VCAN: variants seen among roughly 807,000 people sequenced by gnomAD.
VCAN encodes the protein versican.
In VCAN, 44 loss-of-function variants were observed where a neutral mutation model predicts 245.5. The ratio of observed to expected loss-of-function variants is 0.18; its 90% CI spans 0.14 to 0.23. The LOEUF is 0.23. VCAN is among the 10% of genes least tolerant of loss of function. The probability of loss-of-function intolerance (pLI) is 1.00; values close to 1 mark genes in which losing one functional copy is unlikely to be tolerated. For synonymous variants in VCAN, 1,413 were observed against 1,437.0 expected, an observed-to-expected ratio of 0.98 and a Z score of 0.38; for missense variants, 3,793 against 4,057.9, an observed-to-expected ratio of 0.93 and a Z score of 1.77.
intron 5 of VCAN, among the ~76,000 whole-genome samples, chr5:83,500,014 C>T (rs944251906): frequency 3.9e-5 from 6 of 152,128 alleles, no homozygotes; most frequent in African/African-American, 9.7e-5. Context: ...AATCAGATAT[C>T]GCATCTGGAG....
chr5:83,476,568 G>A (rs1480183123), intron 1 of VCAN, among the ~76,000 whole-genome samples: 1 of 152,164 alleles, frequency 6.6e-6, no homozygotes, highest in African/African-American at 2.4e-5. Flanking sequence ...AATCAGAAAA[G>A]GGGGATTAGA....
intron 7 of VCAN, 138 bp from the exon 8 acceptor site, chr5:83,536,869 G>A (rs1302743464): frequency 1.4e-5 from 9 of 664,270 alleles, no homozygotes; most frequent in Non-Finnish European, 2.2e-5. Flanking sequence ...AACCATATAA[G>A]AGGGTGATTG....
rs1744797195 is a variant in VCAN at position 83,486,497 on chromosome 5, A to G, written c.70+2909A>G. The stretch of plus-strand genomic sequence containing the variant: ...TTTTTGGGAGGTGAAGGTGAAGGTC[A>G]CAGAGAGGAAAGGACAACAGCAACC... On this transcript the variant is annotated intron_variant, in intron 2 of 14. Transcript: ENST00000265077. Among the ~76,000 whole-genome samples, 3 of 152,206 alleles carry G rather than the reference A, an allele frequency of 2.0e-5. No individual in the cohort carries two copies. In the East Asian group the frequency reaches 5.8e-4, roughly 29 times the overall value.
intron 13 of VCAN, among the ~76,000 whole-genome samples, chr5:83,577,408 T>C (rs1748524787): frequency 6.6e-6 from 1 of 152,192 alleles, no homozygotes; most frequent in Non-Finnish European, 1.5e-5. Context: ...GATTATAACC[T>C]CTGTATTGTA....
At chr5:83,524,949 A>G (rs868817499) in intron 7 of VCAN, among the ~76,000 whole-genome samples, 2 of 152,122 alleles carry the variant, frequency 1.3e-5, no homozygotes, top group East Asian at 3.9e-4. Context: ...ACCTTTATAT[A>G]TACTGTATAT....
In VCAN at chr5:83,490,045, A is replaced by G. The variant is rs1209970355; in HGVS notation, c.71-53A>G. ...GCTTATCCATTCACATATTGAATAG[A>G]TTAAGTTTGGGTTTTTTAAGATTGT... On this transcript the variant is annotated intron_variant, in intron 2 of 14. Coordinates refer to ENST00000265077, the MANE Select transcript of VCAN (RefSeq NM_004385.5). The G allele has an allele frequency of 1.9e-6, 3 of 1,605,442 alleles. No homozygotes were observed. In the African/African-American group the frequency reaches 4.0e-5, roughly 21 times the overall value.
intron 12 of VCAN, among the ~76,000 whole-genome samples, chr5:83,557,096 T>G (rs1747699365): frequency 6.6e-6 from 1 of 152,126 alleles, no homozygotes; most frequent in Non-Finnish European, 1.5e-5. Flanking sequence ...AGCCCATGAC[T>G]TATCCCAAAG....
intron 5 of VCAN, among the ~76,000 whole-genome samples, chr5:83,507,426 G>A (rs1745515535): frequency 6.6e-6 from 1 of 152,208 alleles, no homozygotes; most frequent in Admixed American, 6.5e-5. Context: ...AGGTTGTACT[G>A]TGATTAAAAA....
At chr5:83,558,432 T>G (rs1413438059) in intron 12 of VCAN, among the ~76,000 whole-genome samples, 2 of 152,092 alleles carry the variant, frequency 1.3e-5, no homozygotes, top group Admixed American at 1.3e-4. Flanking sequence ...TATCTCCATT[T>G]TTTTCTTTGA....
At chr5:83,563,572 C>T (rs1279239724) in intron 12 of VCAN, among the ~76,000 whole-genome samples, 4 of 152,154 alleles carry the variant, frequency 2.6e-5, no homozygotes, top group African/African-American at 7.2e-5. Flanking sequence ...GGTTTCTTAT[C>T]GGCATATGTT....
intron 11 of VCAN, among the ~76,000 whole-genome samples, chr5:83,554,212 A>G (rs867533071): frequency 6.6e-6 from 1 of 152,250 alleles, no homozygotes. Context: ...CATGCTGTCC[A>G]GGCTTGACTT....
In VCAN at chr5:83,538,282, A is replaced by G; in HGVS notation, c.5279A>G (p.Asn1760Ser). The G allele has an allele frequency of 1.2e-6, 2 of 1,614,076 alleles. No individual in the cohort carries two copies. The highest frequency in any genetic ancestry group is 1.7e-5 in the Admixed American group (1 of 60,006). ...LILPFELESP[N>S]VATSSDSGTR... ...TTACCCTTTGAATTAGAAAGTCCAA[A>G]TGTAGCTACATCTAGTGATTCAGGT... The change falls in exon 8 of 15, where the codon AAT becomes AGT. Residue 1760 changes from asparagine to serine, a missense_variant. By Grantham distance (46) the Asn-to-Ser change is conservative. Transcript: ENST00000265077.
chr5:83,531,755 A>G (rs1289812205), intron 7 of VCAN, among the ~76,000 whole-genome samples: 1 of 152,172 alleles, frequency 6.6e-6, no homozygotes, highest in Admixed American at 6.5e-5. Flanking sequence ...TGACTGGAAG[A>G]CTTGTGCTCT....
chr5:83,563,803 A>T (rs1311488479), intron 12 of VCAN, among the ~76,000 whole-genome samples: 1 of 152,172 alleles, frequency 6.6e-6, no homozygotes, highest in East Asian at 1.9e-4. Context: ...GCTAATCTAG[A>T]TAAATTTTTA....
At position 83,539,974 on chromosome 5, in the gene VCAN, G is replaced by A; in HGVS notation, c.6971G>A (p.Ser2324Asn). The A allele has an allele frequency of 2.5e-6, 4 of 1,614,096 alleles. No homozygotes were observed. The highest frequency in any genetic ancestry group is 3.4e-6 in the Non-Finnish European group (4 of 1,179,996). The change falls in exon 8 of 15, where the codon AGT becomes AAT. Residue 2324 changes from serine (S) to asparagine (N), a missense_variant. Transcript: ENST00000265077. ...TCTCAAACAGACATCTTTGAAGGTA[G>A]TGGGTCAGTAACCAGCACAACATTA... ...LVSQTDIFEG[S>N]GSVTSTTLIE...
At position 83,542,227 on chromosome 5, in the gene VCAN, T is replaced by C. The variant is rs770967338; in HGVS notation, c.9224T>C (p.Ile3075Thr). ...AATGAAACAGATTTCCTGATTGGCATTAATGAAGAGTCAGTGGAAGGCACG... is the reference window on the plus strand; with the variant it reads ...AATGAAACAGATTTCCTGATTGGCACTAATGAAGAGTCAGTGGAAGGCACG... ...TSNETDFLIG[I>T]NEESVEGTAI... The change falls in exon 8 of 15, where the codon ATT (isoleucine) becomes ACT (threonine). Residue 3075 changes from isoleucine to threonine, a missense_variant. Ile to Thr is a moderately conservative substitution (Grantham distance 89). Transcript: ENST00000265077. 1.2e-6 allele frequency: 2 copies of C among 1,613,978 alleles called. No individual in the cohort carries two copies. The highest frequency in any genetic ancestry group is 2.2e-5 in the South Asian group (2 of 91,082).
intron 7 of VCAN, among the ~76,000 whole-genome samples, chr5:83,524,490 A>G (rs1395501321): frequency 2.0e-5 from 3 of 151,926 alleles, no homozygotes; most frequent in Non-Finnish European, 4.4e-5. Flanking sequence ...TCTGTGGAAT[A>G]ATTATGTATC....
intron 7 of VCAN, chr5:83,535,927 T>C (rs1746689385): frequency 6.6e-6 from 1 of 152,196 alleles, no homozygotes; most frequent in East Asian, 1.9e-4. Context: ...TTCATACTGC[T>C]TTGTCACTGA....
intron 1 of VCAN, among the ~76,000 whole-genome samples, chr5:83,474,504 T>C (rs1744311503): frequency 6.6e-6 from 1 of 152,190 alleles, no homozygotes; most frequent in Non-Finnish European, 1.5e-5. Context: ...GGGCTGGGTC[T>C]GGGGCCCGCC....
Sources: gnomAD v4.1 joint callset for allele counts (sites outside exome capture counted in the v4.1 genomes callset) on GRCh38, gnomAD v4.1.1 for gene constraint, MANE v1.5 for transcripts, NCBI Gene and HGNC (gene_info 2026-07-23, HGNC 2026-07-21) for gene names.